Variants in ATP10A observed in about 807,000 individuals in gnomAD.
The protein encoded by ATP10A is ATPase phospholipid transporting 10A (putative).
Under a neutral mutation model 147.8 loss-of-function variants are expected in ATP10A, and 111 were observed. The observed-to-expected ratio is 0.75, with a 90% CI of 0.64 to 0.88. ATP10A has a LOEUF of 0.88. ATP10A is among the 40% of genes least tolerant of loss of function. ATP10A has a pLI of 0.00. For missense variants in ATP10A, 1,927 were observed against 1,959.0 expected, an observed-to-expected ratio of 0.98 and a Z score of 0.31; for synonymous variants, 875 against 841.6, an observed-to-expected ratio of 1.04 and a Z score of -0.69.
chr15:25,810,669 G>A (rs533787383), intron 1 of ATP10A, among the ~76,000 whole-genome samples: 2 of 152,180 alleles, frequency 1.3e-5, no homozygotes, highest in South Asian at 2.1e-4. Context: ...TTTGTACCAC[G>A]GTCTGAAAAA....
intron 1 of ATP10A, among the ~76,000 whole-genome samples, chr15:25,823,857 A>G (rs540817031): frequency 1.3e-5 from 2 of 152,224 alleles, no homozygotes. Flanking sequence ...TTACTTTCCT[A>G]TGCACGAGGG....
chr15:25,855,568 A>ACACACACACACG (rs1893480072), intron 1 of ATP10A, among the ~76,000 whole-genome samples: 1 of 151,806 alleles, frequency 6.6e-6, no homozygotes, highest in Non-Finnish European at 1.5e-5. Context: ...ACACACACAC[A>ACACACACACACG]CACACATACA....
intron 14 of ATP10A, among the ~76,000 whole-genome samples, chr15:25,694,238 CATG>C (rs1367556046): frequency 6.6e-6 from 1 of 152,144 alleles, no homozygotes; most frequent in Admixed American, 6.5e-5. Context: ...GAAAAACCAC[CATG>C]AGAAACACAG....
chr15:25,748,387 C>T (rs1887961550), intron 2 of ATP10A, among the ~76,000 whole-genome samples: 1 of 151,480 alleles, frequency 6.6e-6, no homozygotes, highest in Non-Finnish European at 1.5e-5. Flanking sequence ...TACATTAACA[C>T]AAAAAGAGAA....
rs141928852 is a variant in ATP10A at position 25,714,151 on chromosome 15, T to G, written c.1867A>C (p.Ser623Arg). ...FTPSCLTSGC[S>R]SIGSLAANKS... ...TTGGCGGCCAGGCTCCCGATGCTGCTGCAGCCTGAGGTCAGGCAGCTGGGT... is the reference window on the plus strand; with the variant it reads ...TTGGCGGCCAGGCTCCCGATGCTGCGGCAGCCTGAGGTCAGGCAGCTGGGT... The change falls in exon 10 of 21, where the codon AGC becomes CGC. Residue 623 changes from serine to arginine, a missense_variant. Transcript: ENST00000555815. The G allele has an allele frequency of 3.7e-6, 6 of 1,611,080 alleles. No individual in the cohort carries two copies. The highest frequency in any genetic ancestry group is 1.1e-5 in the South Asian group (1 of 91,082).
chr15:25,757,805 AC>A (rs1169778870), intron 2 of ATP10A, among the ~76,000 whole-genome samples: 2 of 152,032 alleles, frequency 1.3e-5, no homozygotes, highest in African/African-American at 2.4e-5. Context: ...TCGTAAAGCA[AC>A]CTTTTTTGAT....
At position 25,862,165 on chromosome 15, in the gene ATP10A, T is replaced by C. The variant is rs1360413221; in HGVS notation, c.449+483A>G. 52 of 429,868 alleles carry C rather than the reference T, an allele frequency of 1.2e-4. 1 individual carries two copies. Among genetic ancestry groups the C allele is most frequent in the South Asian group, 7.8e-4 (48 of 61,374 alleles). The allele number at this position is 429,868 out of a possible 1,614,324, so 26.6% of individuals were successfully genotyped here. A position where few individuals can be genotyped will look rare whatever the true frequency, so the allele number is the denominator to read the frequency against. ...TGGGCCGTGCCAGACATATCAGCAC[T>C]TGGCGGCAGTTTCACTTTGCTGCTG... On this transcript the variant is annotated intron_variant, in intron 1 of 20. Transcript: ENST00000555815.
At chr15:25,827,908 C>T (rs972710243) in intron 1 of ATP10A, among the ~76,000 whole-genome samples, 7 of 152,040 alleles carry the variant, frequency 4.6e-5, no homozygotes, top group Admixed American at 1.3e-4. Context: ...GTAAGAGACA[C>T]ACTTTAGATT....
chr15:25,759,736 G>A (rs1358372738), intron 2 of ATP10A, among the ~76,000 whole-genome samples: 7 of 151,556 alleles, frequency 4.6e-5, no homozygotes. Context: ...TTGAGCCTGG[G>A]AGGTGGAGGT....
Position 25,863,248 on chromosome 15 carries a change from C to A in ATP10A, c.-152G>T, listed in dbSNP as rs1247568379. 1.1e-5 allele frequency: 4 copies of A among 364,338 alleles called. No homozygotes were observed. Among genetic ancestry groups the A allele is most frequent in the African/African-American group, 6.7e-5 (3 of 45,108 alleles). 22.6% of individuals were successfully genotyped at this position (364,338 alleles called of 1,614,324 possible). On this transcript the variant is annotated 5_prime_UTR_variant, in exon 1 of 21. Coordinates refer to ENST00000555815, the MANE Select transcript of ATP10A (RefSeq NM_024490.4). ...GCGGTCAGCGCGCCGCCTGGCCGGC[C>A]CAGCGCGCCCAGCCCGCGCCCAGCC...
intron 13 of ATP10A, among the ~76,000 whole-genome samples, chr15:25,700,705 T>C (rs1025107877): frequency 9.2e-5 from 14 of 152,138 alleles, no homozygotes; most frequent in Non-Finnish European, 1.9e-4. Context: ...GGGGGTAGCA[T>C]GGCAGACTTT....
intron 2 of ATP10A, among the ~76,000 whole-genome samples, chr15:25,760,614 C>T (rs1032494528): frequency 6.6e-6 from 1 of 152,178 alleles, no homozygotes; most frequent in Non-Finnish European, 1.5e-5. Context: ...GAGTTCATAG[C>T]ATTGGACTGA....
rs117896038 is a variant in ATP10A at position 25,764,501 on chromosome 15, A to T, written c.654+16518T>A. ...AGTGCCCTTCTAAGAAGAGACACTC[A>T]CTCGAAGTTCTGCCTCTCTCTCTCT... On this transcript the variant is annotated intron_variant, in intron 2 of 20. Coordinates refer to ENST00000555815, the MANE Select transcript of ATP10A (RefSeq NM_024490.4). Among the ~76,000 whole-genome samples, 744 of 152,166 alleles carry T rather than the reference A, an allele frequency of 4.9e-3. 5 individuals are homozygous for T. Among genetic ancestry groups the T allele is most frequent in the Non-Finnish European group, 7.9e-3 (535 of 68,000 alleles).
intron 1 of ATP10A, among the ~76,000 whole-genome samples, chr15:25,791,634 G>A (rs1567387250): frequency 1.3e-5 from 2 of 152,062 alleles, no homozygotes; most frequent in South Asian, 2.1e-4. Context: ...CAATTCTCCC[G>A]CCTCAGTCTC....
chr15:25,708,390 G>A lies in ATP10A; in HGVS notation c.2345-90C>T, dbSNP rs933556668. The A allele has an allele frequency of 1.5e-4, 174 of 1,148,384 alleles. 1 individual carries two copies. The highest frequency in any genetic ancestry group is 1.4e-4 in the Non-Finnish European group (108 of 775,906). The allele number at this position is 1,148,384 out of a possible 1,614,324, so 71.1% of individuals were successfully genotyped here. ...TCCGAGATTTACCCCACGTCTGTTCGTTACTTGCGAATAGAGCACAAATTT... is the reference window on the plus strand; with the variant it reads ...TCCGAGATTTACCCCACGTCTGTTCATTACTTGCGAATAGAGCACAAATTT... On this transcript the variant is annotated intron_variant, in intron 10 of 20. Transcript: ENST00000555815.
intron 1 of ATP10A, chr15:25,841,909 C>T (rs1892828333): frequency 6.6e-6 from 1 of 152,192 alleles, no homozygotes; most frequent in South Asian, 2.1e-4. Flanking sequence ...ATCTTGTATC[C>T]TGTCATTGTA....
chr15:25,761,486 G>A (rs773844108), intron 2 of ATP10A, among the ~76,000 whole-genome samples: 1 of 152,360 alleles, frequency 6.6e-6, no homozygotes, highest in South Asian at 2.1e-4. Flanking sequence ...GCCTGGAAAA[G>A]CCACAGACAC....
intron 2 of ATP10A, chr15:25,738,559 C>T (rs1424865621): frequency 2.6e-5 from 4 of 152,220 alleles, no homozygotes; most frequent in African/African-American, 9.6e-5. Flanking sequence ...ATCTTGGAAG[C>T]TAAGCAGGGT....
chr15:25,734,993 G>A (rs956886210), intron 3 of ATP10A, among the ~76,000 whole-genome samples: 4 of 117,062 alleles, frequency 3.4e-5, no homozygotes, highest in Admixed American at 1.9e-4. Flanking sequence ...GTATGTCTGC[G>A]TGGTGGGAGC....
Sources: allele counts gnomAD v4.1 joint callset (sites outside exome capture counted in the v4.1 genomes callset), GRCh38; gene constraint gnomAD v4.1.1; transcripts MANE v1.5; gene names NCBI Gene and HGNC (gene_info 2026-07-23, HGNC 2026-07-21).